ZNF608: variants seen among roughly 807,000 people sequenced by gnomAD.
ZNF608 encodes renal carcinoma antigen NY-REN-36.
Under a neutral mutation model 109.0 loss-of-function variants are expected in ZNF608, and 12 were observed. The observed-to-expected ratio is 0.11, with a 90% CI of 0.07 to 0.18. ZNF608 has a LOEUF of 0.18. ZNF608 is among the 10% of genes least tolerant of loss of function. The probability of loss-of-function intolerance (pLI) is 1.00; values close to 1 mark genes in which losing one functional copy is unlikely to be tolerated. For missense variants in ZNF608, 1,707 were observed against 1,879.3 expected (o/e 0.91, Z 1.70); for synonymous variants, 732 against 717.4 (o/e 1.02, Z -0.33).
At chr5:124,693,974 C>CTTTTTTTTTTTATTTTTTTTTTTTTTTTT in intron 3 of ZNF608, among the ~76,000 whole-genome samples, 1 of 60,934 alleles carries the variant, frequency 1.6e-5, no homozygotes, top group Non-Finnish European at 2.7e-5. Flanking sequence ...TTTCATTAAT[C>CTTTTTTTTTTTATTTTTTTTTTTTTTTTT]TTTTTTTTTT....
At chr5:124,731,825 C>CA in intron 2 of ZNF608, among the ~76,000 whole-genome samples, 1 of 150,948 alleles carries the variant, frequency 6.6e-6, no homozygotes, top group Non-Finnish European at 1.5e-5. Flanking sequence ...GACTCCATCT[C>CA]AAAAAACAAA....
chr5:124,732,637 G>A (rs1052246755), intron 2 of ZNF608, among the ~76,000 whole-genome samples: 1 of 151,830 alleles, frequency 6.6e-6, no homozygotes, highest in Non-Finnish European at 1.5e-5. Flanking sequence ...TGCTGTTGCT[G>A]GAGAGTCCCT....
chr5:124,641,431 C>T (rs764151581), intron 7 of ZNF608, 26 bp from the exon 8 acceptor site: 3 of 1,590,340 alleles, frequency 1.9e-6, no homozygotes, highest in African/African-American at 2.7e-5. Flanking sequence ...GAAATTTTCC[C>T]CCTTCATGCT....
chr5:124,690,924 A>AACACAC (rs35022360), intron 3 of ZNF608, among the ~76,000 whole-genome samples: 3,524 of 86,946 alleles, frequency 0.041, 66 homozygotes, highest in African/African-American at 0.1. Flanking sequence ...GCAACAGAAA[A>AACACAC]ACACACACAC....
intron 3 of ZNF608, among the ~76,000 whole-genome samples, chr5:124,689,466 CAA>C (rs112747185): frequency 4.6e-5 from 6 of 130,738 alleles, no homozygotes; most frequent in Non-Finnish European, 4.9e-5. Context: ...CCCTGTCCCT[CAA>C]AAAAAAAAAA....
chr5:124,736,689 G>C (rs1749168969), intron 2 of ZNF608, among the ~76,000 whole-genome samples: 1 of 152,128 alleles, frequency 6.6e-6, no homozygotes, highest in South Asian at 2.1e-4. Context: ...AGGACAAAAA[G>C]GTATACCAAA....
intron 3 of ZNF608, among the ~76,000 whole-genome samples, chr5:124,678,698 G>A (rs1397297308): frequency 6.6e-6 from 1 of 152,180 alleles, no homozygotes; most frequent in African/African-American, 2.4e-5. Context: ...TTCTGCCAGG[G>A]CTGATGACAG....
chr5:124,661,485 A>AG (rs1006368751), intron 3 of ZNF608, among the ~76,000 whole-genome samples: 4 of 42,890 alleles, frequency 9.3e-5, no homozygotes, highest in Admixed American at 4.2e-4. Context: ...TCAGGGAAGA[A>AG]AAAAAAAAAA....
intron 2 of ZNF608, among the ~76,000 whole-genome samples, chr5:124,740,502 A>G (rs1749342404): frequency 1.0e-5 from 1 of 100,370 alleles, no homozygotes; most frequent in Admixed American, 1.3e-4. Context: ...CATATGGGAC[A>G]CTATATTTGA....
chr5:124,641,522 A>G, intron 7 of ZNF608, 117 bp from the exon 8 acceptor site: 1 of 1,145,956 alleles, frequency 8.7e-7, no homozygotes, highest in Non-Finnish European at 1.2e-6. Flanking sequence ...GTAAATATAA[A>G]GATACAATTC....
intron 3 of ZNF608, among the ~76,000 whole-genome samples, chr5:124,666,728 TG>T (rs1751497740): frequency 1.3e-5 from 2 of 148,484 alleles, no homozygotes; most frequent in African/African-American, 5.1e-5. Context: ...TGTGTGTGTG[TG>T]TGTGTGTGTG....
chr5:124,718,933 T>C (rs1753804576), intron 2 of ZNF608, among the ~76,000 whole-genome samples: 1 of 152,216 alleles, frequency 6.6e-6, no homozygotes, highest in African/African-American at 2.4e-5. Context: ...CACTGGCTTT[T>C]TCTCTACCCT....
chr5:124,649,593 A>T lies in ZNF608; in HGVS notation c.1250+17T>A. On this transcript the variant is annotated intron_variant, in intron 4 of 9. Coordinates refer to ENST00000513986, the MANE Select transcript of ZNF608 (RefSeq NM_020747.3). Reference sequence around the variant, plus strand: ...GAGAGGATGGGGAAGGAGAGAAATAAAAGGCCCTGTTCATACCTGGGAGGG... The same window carrying T: ...GAGAGGATGGGGAAGGAGAGAAATATAAGGCCCTGTTCATACCTGGGAGGG... 1 of 1,598,422 alleles carries T rather than the reference A, an allele frequency of 6.3e-7. No individual in the cohort carries two copies. The highest frequency in any genetic ancestry group is 8.6e-7 in the Non-Finnish European group (1 of 1,169,280).
intron 2 of ZNF608, among the ~76,000 whole-genome samples, chr5:124,732,961 A>G (rs533359913): frequency 6.6e-6 from 1 of 151,874 alleles, no homozygotes; most frequent in South Asian, 2.1e-4. Flanking sequence ...CTCCCTCTAT[A>G]CAGCTTAAAA....
At chr5:124,710,286 T>C (rs1225805860) in intron 2 of ZNF608, 3 of 439,572 alleles carry the variant, frequency 6.8e-6, no homozygotes. Context: ...CAGCTTAACA[T>C]CAGTCATTTT....
chr5:124,733,377 T>G (rs1748995965), intron 2 of ZNF608, among the ~76,000 whole-genome samples: 1 of 152,258 alleles, frequency 6.6e-6, no homozygotes, highest in East Asian at 1.9e-4. Context: ...GCTTCCAAGA[T>G]GCACAGTGGC....
chr5:124,739,674 AC>A (rs1749299017), intron 2 of ZNF608, among the ~76,000 whole-genome samples: 1 of 152,230 alleles, frequency 6.6e-6, no homozygotes, highest in Admixed American at 6.5e-5. Flanking sequence ...ATGTGTTTTC[AC>A]AGTGTTGCTC....
At chr5:124,638,232 A>G (rs6875342) in intron 9 of ZNF608, among the ~76,000 whole-genome samples, 118,958 of 151,356 alleles carry the variant, frequency 0.79, 47,678 homozygotes, top group East Asian at 1. Context: ...TTACAGGCAT[A>G]AGCCACCACA....
chr5:124,665,071 A>G (rs1222114574), intron 3 of ZNF608, among the ~76,000 whole-genome samples: 1 of 151,806 alleles, frequency 6.6e-6, no homozygotes, highest in Non-Finnish European at 1.5e-5. Flanking sequence ...GCTACTCAGG[A>G]GGCTGAGGTA....
Sources: allele counts gnomAD v4.1 joint callset (sites outside exome capture counted in the v4.1 genomes callset), GRCh38; gene constraint gnomAD v4.1.1; transcripts MANE v1.5; gene names NCBI Gene and HGNC (gene_info 2026-07-23, HGNC 2026-07-21).